The following AKAP6 variants were observed in gnomAD, a reference collection of about 807,000 sequenced individuals.
AKAP6 encodes the protein A-kinase anchor protein 6.
In AKAP6, 58 loss-of-function variants were observed where a neutral mutation model predicts 188.5. The observed-to-expected ratio is 0.31, with a 90% CI of 0.25 to 0.38. The LOEUF (loss-of-function observed/expected upper bound fraction) is 0.38, where lower values mean the gene tolerates loss of function less well. AKAP6 is among the 10% of genes least tolerant of loss of function. AKAP6 has a pLI of 1.00. For synonymous variants in AKAP6, 989 were observed against 998.6 expected, an observed-to-expected ratio of 0.99 and a Z score of 0.18; for missense variants, 2,710 against 2,740.0, an observed-to-expected ratio of 0.99 and a Z score of 0.24.
chr14:32,345,820 C>G (rs1887047654), intron 1 of AKAP6, among the ~76,000 whole-genome samples: 1 of 152,148 alleles, frequency 6.6e-6, no homozygotes, highest in African/African-American at 2.4e-5. Context: ...AGCACAAGAC[C>G]ACTGCTGCAA....
intron 5 of AKAP6, 79 bp downstream of exon 5, chr14:32,577,321 A>T: frequency 6.5e-7 from 1 of 1,545,896 alleles, no homozygotes; most frequent in Non-Finnish European, 8.7e-7. Context: ...GAGAAATATC[A>T]ATTTTATTTA....
chr14:32,793,863 A>G (rs1212034635), intron 12 of AKAP6, among the ~76,000 whole-genome samples: 1 of 152,098 alleles, frequency 6.6e-6, no homozygotes, highest in Non-Finnish European at 1.5e-5. Context: ...AAGTTCTTGG[A>G]GATCTACAAA....
At chr14:32,440,566 A>C (rs1264148175) in intron 2 of AKAP6, among the ~76,000 whole-genome samples, 2 of 152,224 alleles carry the variant, frequency 1.3e-5, no homozygotes, top group Non-Finnish European at 2.9e-5. Context: ...ACAGTTTGAT[A>C]GTGACTGCTT....
At chr14:32,521,743 C>G (rs148166874) in intron 2 of AKAP6, among the ~76,000 whole-genome samples, 2,797 of 152,132 alleles carry the variant, frequency 0.018, 92 homozygotes, top group African/African-American at 0.064. Context: ...AATCAATATC[C>G]TGAAAATGGC....
At chr14:32,488,023 A>G (rs1427763513) in intron 2 of AKAP6, among the ~76,000 whole-genome samples, 1 of 152,170 alleles carries the variant, frequency 6.6e-6, no homozygotes, top group Non-Finnish European at 1.5e-5. Context: ...CCACTTGAGG[A>G]GGCAGTCTGT....
chr14:32,357,750 G>A (rs971338432), intron 1 of AKAP6, among the ~76,000 whole-genome samples: 1 of 152,142 alleles, frequency 6.6e-6, no homozygotes, highest in African/African-American at 2.4e-5. Flanking sequence ...ATTGGAATAG[G>A]GTACTTTCAA....
intron 2 of AKAP6, among the ~76,000 whole-genome samples, chr14:32,521,871 G>A (rs559842629): frequency 6.6e-6 from 1 of 152,234 alleles, no homozygotes; most frequent in South Asian, 2.1e-4. Flanking sequence ...AAAAGAGCCT[G>A]TATTGCCAAG....
At chr14:32,797,723 C>T (rs2033813741) in intron 12 of AKAP6, among the ~76,000 whole-genome samples, 1 of 151,530 alleles carries the variant, frequency 6.6e-6, no homozygotes. Context: ...CACCATGGCA[C>T]ATGTTTACCT....
chr14:32,632,211 T>C (rs1303145327), intron 7 of AKAP6, among the ~76,000 whole-genome samples: 2 of 152,080 alleles, frequency 1.3e-5, no homozygotes, highest in Non-Finnish European at 2.9e-5. Context: ...GTGAGCATCT[T>C]ATGTGAAAAA....
intron 1 of AKAP6, among the ~76,000 whole-genome samples, chr14:32,398,767 T>C (rs1010098059): frequency 7.0e-6 from 1 of 142,962 alleles, no homozygotes; most frequent in Non-Finnish European, 1.5e-5. Flanking sequence ...TTTGCCCTTT[T>C]CTTTCTTTTC....
intron 7 of AKAP6, among the ~76,000 whole-genome samples, chr14:32,633,496 A>G (rs950458515): frequency 6.6e-6 from 1 of 152,008 alleles, no homozygotes; most frequent in East Asian, 1.9e-4. Context: ...GTGGAGGAGG[A>G]TGCACCCCTG....
intron 7 of AKAP6, among the ~76,000 whole-genome samples, chr14:32,661,313 T>C (rs1302067886): frequency 2.6e-5 from 4 of 152,020 alleles, no homozygotes; most frequent in Non-Finnish European, 5.9e-5. Context: ...CAATCAGAAT[T>C]GGAAAGGAAA....
intron 1 of AKAP6, among the ~76,000 whole-genome samples, chr14:32,389,007 G>A (rs1888621988): frequency 1.3e-5 from 2 of 152,034 alleles, no homozygotes; most frequent in South Asian, 4.1e-4. Context: ...AGGTCTGTTA[G>A]TAATTGTTTT....
At chr14:32,684,940 A>G (rs1889842540) in intron 8 of AKAP6, among the ~76,000 whole-genome samples, 1 of 152,144 alleles carries the variant, frequency 6.6e-6, no homozygotes, top group Non-Finnish European at 1.5e-5. Context: ...AGAGAGAGAG[A>G]CATTTAGATA....
intron 1 of AKAP6, among the ~76,000 whole-genome samples, chr14:32,415,313 A>G (rs1456318722): frequency 6.6e-6 from 1 of 152,186 alleles, no homozygotes; most frequent in Non-Finnish European, 1.5e-5. Flanking sequence ...TATCTTTGTT[A>G]TCTTAAGACT....
At chr14:32,817,110 C>T (rs139658674) in intron 12 of AKAP6, among the ~76,000 whole-genome samples, 2 of 152,120 alleles carry the variant, frequency 1.3e-5, no homozygotes, top group South Asian at 2.1e-4. Context: ...CTGTCGAGTT[C>T]CTTTATCTTT....
rs138750663 is a variant in AKAP6 at position 32,677,290 on chromosome 14, G to T, written c.2731-1021G>T. ...TCAGCTGTGGATACTAAGAGTAGAA[G>T]GTCACATCTGGCCCAACTTTTCTTC... On this transcript the variant is annotated intron_variant, in intron 7 of 13. Transcript: ENST00000280979. Among the ~76,000 whole-genome samples the T allele has an allele frequency of 5.2e-3, 799 of 152,290 alleles. 6 individuals are homozygous for T. Among genetic ancestry groups the T allele is most frequent in the African/African-American group, 0.018 (736 of 41,554 alleles).
intron 2 of AKAP6, among the ~76,000 whole-genome samples, chr14:32,483,560 C>G (rs1879482063): frequency 6.6e-6 from 1 of 152,186 alleles, no homozygotes; most frequent in African/African-American, 2.4e-5. Flanking sequence ...TCTCGGCTCA[C>G]TGCAACCTCC....
At chr14:32,606,922 G>A (rs1262057240) in intron 7 of AKAP6, among the ~76,000 whole-genome samples, 1 of 152,126 alleles carries the variant, frequency 6.6e-6, no homozygotes, top group African/African-American at 2.4e-5. Context: ...TGTGGCCTTT[G>A]ACTTGGGTAT....
Sources: gnomAD v4.1 joint callset for allele counts (sites outside exome capture counted in the v4.1 genomes callset) on GRCh38, gnomAD v4.1.1 for gene constraint, MANE v1.5 for transcripts, NCBI Gene and HGNC (gene_info 2026-07-23, HGNC 2026-07-21) for gene names.